The following ZRANB3 variants were observed in gnomAD, a reference collection of about 807,000 sequenced individuals.
ZRANB3 encodes the protein zinc finger RANBP2-type containing 3.
Under a neutral mutation model 133.8 loss-of-function variants are expected in ZRANB3, and 125 were observed. The ratio of observed to expected loss-of-function variants is 0.93; its 90% CI spans 0.81 to 1.08. The LOEUF (loss-of-function observed/expected upper bound fraction) is 1.08, where lower values mean the gene tolerates loss of function less well. ZRANB3 is among the 50% of genes least tolerant of loss of function. ZRANB3 has a pLI of 0.00. For synonymous variants in ZRANB3, 387 were observed against 432.7 expected, an observed-to-expected ratio of 0.89 and a Z score of 1.31; for missense variants, 1,229 against 1,275.5, an observed-to-expected ratio of 0.96 and a Z score of 0.56.
intron 8 of ZRANB3, among the ~76,000 whole-genome samples, chr2:135,293,387 C>A (rs1235771886): frequency 1.3e-5 from 2 of 152,078 alleles, no homozygotes; most frequent in South Asian, 4.2e-4. Flanking sequence ...CATGATTTGG[C>A]TCTCTGTTTG....
intron 2 of ZRANB3, among the ~76,000 whole-genome samples, chr2:135,399,040 T>C (rs934208656): frequency 6.6e-6 from 1 of 152,172 alleles, no homozygotes; most frequent in Non-Finnish European, 1.5e-5. Context: ...GATTTGCAAA[T>C]GAACTACGCC....
chr2:135,324,544 G>A (rs560722951), intron 6 of ZRANB3, among the ~76,000 whole-genome samples: 31 of 152,186 alleles, frequency 2.0e-4, no homozygotes, highest in African/African-American at 6.3e-4. Flanking sequence ...ATAAACATAC[G>A]CGTGCATGTG....
intron 19 of ZRANB3, among the ~76,000 whole-genome samples, chr2:135,203,536 G>A (rs1022538999): frequency 6.7e-6 from 1 of 148,646 alleles, no homozygotes; most frequent in African/African-American, 2.5e-5. Context: ...GGAGAATGGC[G>A]TGAACCCGGG....
chr2:135,512,052 C>G (rs529226277), intron 1 of ZRANB3: 4 of 511,714 alleles, frequency 7.8e-6, no homozygotes, highest in Non-Finnish European at 1.4e-5. Context: ...TGGCAGAAAC[C>G]CCTCATGCAA....
At chr2:135,230,460 C>G (rs1321892143) in intron 13 of ZRANB3, 53 bp downstream of exon 13, 2 of 1,429,114 alleles carry the variant, frequency 1.4e-6, no homozygotes, top group African/African-American at 2.9e-5. Flanking sequence ...CACAGGTTAT[C>G]TGAAGACACC....
intron 8 of ZRANB3, among the ~76,000 whole-genome samples, chr2:135,279,723 C>A (rs916853778): frequency 6.6e-6 from 1 of 152,184 alleles, no homozygotes; most frequent in East Asian, 1.9e-4. Flanking sequence ...TTCAAGCCCC[C>A]CTTTTCCCAC....
At chr2:135,292,903 G>A (rs1248676134) in intron 8 of ZRANB3, among the ~76,000 whole-genome samples, 1 of 151,706 alleles carries the variant, frequency 6.6e-6, no homozygotes, top group Non-Finnish European at 1.5e-5. Flanking sequence ...TCAGATAGCT[G>A]TAGATATGCG....
At chr2:135,328,520 G>C (rs777068862) in intron 6 of ZRANB3, among the ~76,000 whole-genome samples, 32 of 152,044 alleles carry the variant, frequency 2.1e-4, no homozygotes, top group Admixed American at 3.9e-4. Flanking sequence ...CCACAATAAA[G>C]ATACGTGTGC....
At chr2:135,516,232 T>C (rs1221177419) in intron 1 of ZRANB3, among the ~76,000 whole-genome samples, 1 of 152,204 alleles carries the variant, frequency 6.6e-6, no homozygotes, top group Non-Finnish European at 1.5e-5. Flanking sequence ...CTTGACTCTA[T>C]CCAGTTTGCC....
chr2:135,425,959 G>T (rs1558991606), intron 2 of ZRANB3, among the ~76,000 whole-genome samples: 1 of 151,424 alleles, frequency 6.6e-6, no homozygotes, highest in African/African-American at 2.4e-5. Context: ...GGCTGATAAA[G>T]AAAAAAAGAG....
intron 3 of ZRANB3, among the ~76,000 whole-genome samples, chr2:135,374,246 A>C (rs938425001): frequency 2.6e-5 from 4 of 152,028 alleles, no homozygotes; most frequent in Non-Finnish European, 5.9e-5. Context: ...TCTTTACTAA[A>C]AATACAAAAA....
intron 12 of ZRANB3, among the ~76,000 whole-genome samples, chr2:135,235,952 A>G (rs1269200792): frequency 2.6e-5 from 4 of 152,098 alleles, no homozygotes; most frequent in Admixed American, 6.5e-5. Context: ...ATGAGGCAGG[A>G]GAAGGAAAAA....
intron 14 of ZRANB3, among the ~76,000 whole-genome samples, chr2:135,226,931 G>C (rs1433759993): frequency 6.6e-6 from 1 of 152,218 alleles, no homozygotes; most frequent in South Asian, 2.1e-4. Flanking sequence ...GGAAGACCTT[G>C]AGGAGTTAGA....
At chr2:135,508,004 C>T (rs925959478) in intron 1 of ZRANB3, among the ~76,000 whole-genome samples, 36 of 152,098 alleles carry the variant, frequency 2.4e-4, no homozygotes, top group Middle Eastern at 3.4e-3. Context: ...CAAAACAAAA[C>T]GACTCCTTTA....
chr2:135,495,071 TA>T (rs1336258664), intron 2 of ZRANB3, among the ~76,000 whole-genome samples: 1 of 151,998 alleles, frequency 6.6e-6, no homozygotes, highest in Admixed American at 6.6e-5. Context: ...TCTGTCTCTA[TA>T]AAAAAATACA....
intron 6 of ZRANB3, among the ~76,000 whole-genome samples, chr2:135,334,594 TTTTAA>T (rs1215236856): frequency 1.3e-5 from 2 of 152,068 alleles, no homozygotes; most frequent in African/African-American, 4.8e-5. Context: ...AGACATTTTT[TTTTAA>T]TTTAATTTAA....
intron 3 of ZRANB3, among the ~76,000 whole-genome samples, chr2:135,360,496 G>A (rs1685638086): frequency 6.6e-6 from 1 of 151,992 alleles, no homozygotes; most frequent in South Asian, 2.1e-4. Context: ...ACAAGGTCAG[G>A]AGATCGAGAC....
intron 3 of ZRANB3, among the ~76,000 whole-genome samples, chr2:135,373,290 G>C (rs1444432371): frequency 6.6e-6 from 1 of 152,122 alleles, no homozygotes; most frequent in African/African-American, 2.4e-5. Flanking sequence ...AACCAGACAA[G>C]TACGGTAGGA....
chr2:135,519,729 C>T (rs1693844356), intron 1 of ZRANB3, among the ~76,000 whole-genome samples: 1 of 152,100 alleles, frequency 6.6e-6, no homozygotes, highest in African/African-American at 2.4e-5. Flanking sequence ...ATGTAGCAGA[C>T]ATTGTGCTAG....
Sources: gnomAD v4.1 joint callset for allele counts (sites outside exome capture counted in the v4.1 genomes callset) on GRCh38, gnomAD v4.1.1 for gene constraint, MANE v1.5 for transcripts, NCBI Gene and HGNC (gene_info 2026-07-23, HGNC 2026-07-21) for gene names.